The following PAX3 variants were observed in gnomAD, a reference collection of about 807,000 sequenced individuals.
The protein encoded by PAX3 is paired box 3.
Under a neutral mutation model 51.6 loss-of-function variants are expected in PAX3, and 14 were observed. The ratio of observed to expected loss-of-function variants is 0.27; its 90% CI spans 0.18 to 0.42. The LOEUF (loss-of-function observed/expected upper bound fraction) is 0.42. PAX3 is among the 10% of genes least tolerant of loss of function. The pLI is 1.00. For missense variants in PAX3, 540 were observed against 642.8 expected (o/e 0.84, Z 1.73); for synonymous variants, 280 against 253.4 (o/e 1.11, Z -1.00).
chr2:222,276,514 T>C (rs780362200), intron 4 of PAX3, among the ~76,000 whole-genome samples: 1 of 152,214 alleles, frequency 6.6e-6, no homozygotes, highest in Non-Finnish European at 1.5e-5. Flanking sequence ...AGCGGCTGCC[T>C]GTACCTTCTA....
At chr2:222,295,456 C>T (rs1695244325) in intron 3 of PAX3, 72 bp downstream of exon 3, 16 of 1,556,066 alleles carry the variant, frequency 1.0e-5, no homozygotes, top group Non-Finnish European at 1.4e-5. Context: ...GGGGTGATTA[C>T]GTCTGGGTCG....
chr2:222,201,463 C>G, intron 8 of PAX3, 21 bp from the exon 9 acceptor site: 2 of 1,613,996 alleles, frequency 1.2e-6, no homozygotes. Context: ...ACACACGCAG[C>G]TTTTTAGGTC....
chr2:222,203,157 T>C (rs1268060109), intron 7 of PAX3, among the ~76,000 whole-genome samples: 2 of 147,170 alleles, frequency 1.4e-5, no homozygotes, highest in African/African-American at 5.1e-5. Context: ...AAAAAAAAAA[T>C]ATCCTGTGAC....
intron 4 of PAX3, among the ~76,000 whole-genome samples, chr2:222,257,723 C>T (rs1216411038): frequency 6.6e-6 from 1 of 152,150 alleles, no homozygotes; most frequent in Non-Finnish European, 1.5e-5. Flanking sequence ...GACTAGAGGG[C>T]CCTTCGCATC....
intron 4 of PAX3, among the ~76,000 whole-genome samples, chr2:222,245,990 CAG>C (rs138556335): frequency 0.12 from 17,498 of 150,382 alleles, 1,226 homozygotes; most frequent in East Asian, 0.32. Context: ...CAAAAAGAGA[CAG>C]AGAGAGAGAG....
rs1414299526 is a variant in PAX3, at chr2:222,295,480, A to C, written c.451+48T>G. The stretch of plus-strand genomic sequence containing the variant: ...ACGTCTGGGTCGACGTGCCGGGGTA[A>C]TAGCGACTGACTGTCGCGCCTCGGG... On this transcript the variant is annotated intron_variant, in intron 3 of 8. Coordinates refer to ENST00000392070, the MANE Select transcript of PAX3 (RefSeq NM_181458.4). 3 of 1,610,366 alleles carry C rather than the reference A, an allele frequency of 1.9e-6. No individual in the cohort carries two copies. The Admixed American group carries it at 5.0e-5, about 27-fold the overall frequency.
intron 4 of PAX3, among the ~76,000 whole-genome samples, chr2:222,238,783 T>A (rs1692893715): frequency 1.3e-5 from 2 of 152,208 alleles, no homozygotes; most frequent in Non-Finnish European, 2.9e-5. Flanking sequence ...GAATCCTTCC[T>A]GAGAGCTCCA....
chr2:222,279,086 G>A (rs1220055148), intron 4 of PAX3, among the ~76,000 whole-genome samples: 1 of 152,182 alleles, frequency 6.6e-6, no homozygotes, highest in Non-Finnish European at 1.5e-5. Context: ...AAGTAGCTGG[G>A]ACTACAGGCA....
chr2:222,294,775 C>T (rs1357388583), intron 3 of PAX3, among the ~76,000 whole-genome samples: 1 of 122,902 alleles, frequency 8.1e-6, no homozygotes, highest in East Asian at 2.9e-4. Context: ...CCCACCCCCC[C>T]GTAAATCAAG....
intron 5 of PAX3, among the ~76,000 whole-genome samples, chr2:222,222,862 A>G (rs1348569083): frequency 6.6e-6 from 1 of 152,192 alleles, no homozygotes; most frequent in Non-Finnish European, 1.5e-5. Context: ...TTGGAAGCAC[A>G]GAGAATCAGG....
At position 222,200,757 on chromosome 2, in the gene PAX3, A is replaced by G. The variant is rs1340673985; in HGVS notation, c.*651T>C. 1.1e-5 allele frequency: 3 copies of G among 274,298 alleles called. No homozygotes were observed. The highest frequency in any genetic ancestry group is 4.4e-5 in the African/African-American group (2 of 45,922). The allele number at this position is 274,298 out of a possible 1,614,324, so 17.0% of individuals were successfully genotyped here. A position where few individuals can be genotyped will look rare whatever the true frequency, so the allele number is the denominator to read the frequency against. On this transcript the variant is annotated 3_prime_UTR_variant, in exon 9 of 9. Coordinates refer to ENST00000392070, the MANE Select transcript of PAX3 (RefSeq NM_181458.4). The stretch of plus-strand genomic sequence containing the variant: ...CCTGTTAGCAAGACATGTCCGGGCC[A>G]TTTATTGACAACTAGATTACAAATG...
intron 4 of PAX3, 50 bp downstream of exon 4, chr2:222,294,117 T>C (rs776171552): frequency 6.2e-7 from 1 of 1,612,434 alleles, no homozygotes. Context: ...AGCTAGCCGA[T>C]GCCCTCCAAG....
intron 4 of PAX3, among the ~76,000 whole-genome samples, chr2:222,260,207 T>G (rs1693788018): frequency 6.6e-6 from 1 of 152,118 alleles, no homozygotes; most frequent in Admixed American, 6.5e-5. Flanking sequence ...CTGAATGCTC[T>G]TCTGTTGTAC....
intron 4 of PAX3, among the ~76,000 whole-genome samples, chr2:222,245,944 G>A (rs1693214115): frequency 6.6e-6 from 1 of 152,102 alleles, no homozygotes; most frequent in Non-Finnish European, 1.5e-5. Context: ...TCATGCCACT[G>A]CATTCCAGCC....
chr2:222,202,015 G>A lies in PAX3; in HGVS notation c.1349C>T (p.Pro450Leu), dbSNP rs767090833. 6.2e-7 allele frequency: 1 copy of A among 1,614,058 alleles called. No individual in the cohort carries two copies. The highest frequency in any genetic ancestry group is 1.3e-5 in the African/African-American group (1 of 75,024). Residue 450 changes from proline to leucine, a missense_variant, in exon 8 of 9, where the codon CCA (proline) becomes CTA (leucine). Coordinates refer to ENST00000392070, the MANE Select transcript of PAX3 (RefSeq NM_181458.4). ...DSLPTSQSYC[P>L]PTYSTTGYSM... ...GTAGCCTGTGGTGCTATAGGTGGGT[G>A]GACAGTAGGACTGAGATGTTGGCAG...
At chr2:222,296,532 G>A (rs959320972) in intron 2 of PAX3, among the ~76,000 whole-genome samples, 4 of 152,116 alleles carry the variant, frequency 2.6e-5, no homozygotes, top group African/African-American at 4.8e-5. Context: ...TTGCACTGGG[G>A]GAGACTGAGG....
chr2:222,261,268 C>G (rs1693852069), intron 4 of PAX3, among the ~76,000 whole-genome samples: 1 of 152,200 alleles, frequency 6.6e-6, no homozygotes, highest in Non-Finnish European at 1.5e-5. Flanking sequence ...GTTTCACAGG[C>G]AGCCTCAGCC....
chr2:222,297,942 C>A (rs1333455625), intron 1 of PAX3, among the ~76,000 whole-genome samples: 1 of 152,204 alleles, frequency 6.6e-6, no homozygotes, highest in Non-Finnish European at 1.5e-5. Context: ...GACTTCCTGC[C>A]TCCCCGGGAT....
chr2:222,288,657 C>T (rs1259790255), intron 4 of PAX3, among the ~76,000 whole-genome samples: 1 of 152,192 alleles, frequency 6.6e-6, no homozygotes, highest in Non-Finnish European at 1.5e-5. Flanking sequence ...CTGCCACACC[C>T]CCCCAAAATG....
Sources: gnomAD v4.1 joint callset for allele counts (sites outside exome capture counted in the v4.1 genomes callset) on GRCh38, gnomAD v4.1.1 for gene constraint, MANE v1.5 for transcripts, NCBI Gene and HGNC (gene_info 2026-07-23, HGNC 2026-07-21) for gene names.